RANBP2: variants seen among roughly 807,000 people sequenced by gnomAD.
RANBP2 encodes the protein RAN binding protein 2, also known as E3 SUMO-protein ligase RanBP2.
RANBP2 carries 57 observed loss-of-function variants against 303.6 expected under a neutral mutation model. That is an observed-to-expected ratio of 0.19 (90% confidence interval 0.15 to 0.23). The LOEUF is 0.23. Ranked by LOEUF, RANBP2 falls within the 10% of genes least tolerant of loss-of-function variation. The pLI is 1.00. For missense variants in RANBP2, 3,138 were observed against 3,780.8 expected (o/e 0.83, Z 4.46); for synonymous variants, 1,167 against 1,301.5 (o/e 0.90, Z 2.23).
chr2:108,902,633 T>G, the RANBP2 span, among the ~76,000 whole-genome samples: 2 of 152,126 alleles, frequency 1.3e-5, no homozygotes, highest in African/African-American at 2.4e-5. Context: ...TGCAAAATCC[T>G]TAACAAAATA....
chr2:109,346,213 A>G, the RANBP2 span, among the ~76,000 whole-genome samples: 1 of 152,210 alleles, frequency 6.6e-6, no homozygotes, highest in African/African-American at 2.4e-5. Flanking sequence ...TCTGCAATGA[A>G]AAATCCTCTG....
the RANBP2 span, among the ~76,000 whole-genome samples, chr2:108,937,513 A>G: frequency 6.6e-6 from 1 of 151,954 alleles, no homozygotes; most frequent in Non-Finnish European, 1.5e-5. Flanking sequence ...GAATGTATGC[A>G]TGTGTAAGTG....
the RANBP2 span, among the ~76,000 whole-genome samples, chr2:109,027,484 C>T: frequency 3.9e-5 from 6 of 152,122 alleles, no homozygotes; most frequent in African/African-American, 7.2e-5. Flanking sequence ...CCAAGGAAGC[C>T]TGTGGAGCCT....
the RANBP2 span, among the ~76,000 whole-genome samples, chr2:109,513,462 A>G: frequency 1.3e-5 from 2 of 152,024 alleles, no homozygotes; most frequent in Admixed American, 1.3e-4. Context: ...GTGCACATAT[A>G]GACACTCCAC....
the RANBP2 span, among the ~76,000 whole-genome samples, chr2:109,293,529 C>T: frequency 6.6e-6 from 1 of 152,250 alleles, no homozygotes; most frequent in African/African-American, 2.4e-5. Flanking sequence ...GGCAGTCATC[C>T]TCTGTCCCCT....
the RANBP2 span, among the ~76,000 whole-genome samples, chr2:109,452,432 CAGTG>C: frequency 5.3e-5 from 8 of 152,350 alleles, no homozygotes; most frequent in Non-Finnish European, 1.0e-4. Context: ...TGGGAAAAGA[CAGTG>C]AGCTCCTCAC....
the RANBP2 span, among the ~76,000 whole-genome samples, chr2:109,704,575 C>T: frequency 2.6e-5 from 4 of 151,810 alleles, no homozygotes; most frequent in South Asian, 6.3e-4. Flanking sequence ...GTAAGCCAGG[C>T]GTGGTGGCTC....
At position 108,761,385 on chromosome 2, in the gene RANBP2, T is replaced by C. The variant is rs1676720081; in HGVS notation, c.2603-716T>C. 2.0e-5 allele frequency among the ~76,000 whole-genome samples: 3 copies of C among 152,296 alleles called. No homozygotes were observed. In the South Asian group the frequency reaches 6.2e-4, roughly 32 times the overall value. Reference sequence around the variant, plus strand: ...CACAGTTTCTGTTTCTTTTTCCATGTACAGGCATAAAAGGTCTTTTGGTTG... The same window carrying C: ...CACAGTTTCTGTTTCTTTTTCCATGCACAGGCATAAAAGGTCTTTTGGTTG... On this transcript the variant is annotated intron_variant, in intron 18 of 28. Transcript: ENST00000283195.
chr2:108,847,441 A>G, the RANBP2 span, among the ~76,000 whole-genome samples: 1 of 152,208 alleles, frequency 6.6e-6, no homozygotes, highest in Admixed American at 6.5e-5. Context: ...TTTACAGAAA[A>G]TGTTTTTCAG....
chr2:108,822,431 C>A, the RANBP2 span, among the ~76,000 whole-genome samples: 1 of 152,092 alleles, frequency 6.6e-6, no homozygotes, highest in Non-Finnish European at 1.5e-5. Context: ...AGGGCTTGAA[C>A]AACATAATAA....
the RANBP2 span, among the ~76,000 whole-genome samples, chr2:109,467,396 G>A: frequency 1.3e-5 from 2 of 152,226 alleles, no homozygotes; most frequent in South Asian, 2.1e-4. Context: ...GCCACTGGAG[G>A]GTCCCGTGTC....
chr2:109,306,299 T>TTCCA, the RANBP2 span, among the ~76,000 whole-genome samples: 1 of 152,190 alleles, frequency 6.6e-6, no homozygotes. Flanking sequence ...TGTGTTTGCA[T>TTCCA]TCCACCCTGC....
At chr2:109,128,045 T>C in the RANBP2 span, 2 of 152,224 alleles carry the variant, frequency 1.3e-5, no homozygotes, top group Non-Finnish European at 2.9e-5. Context: ...ACGACTCTTC[T>C]GATGTTAGCC....
the RANBP2 span, among the ~76,000 whole-genome samples, chr2:109,293,296 C>T: frequency 2.0e-5 from 3 of 151,990 alleles, no homozygotes; most frequent in Non-Finnish European, 2.9e-5. Context: ...CACTGCACTG[C>T]GAAGGAGTTT....
the RANBP2 span, among the ~76,000 whole-genome samples, chr2:109,457,873 C>G: frequency 6.6e-6 from 1 of 152,156 alleles, no homozygotes; most frequent in Non-Finnish European, 1.5e-5. Context: ...GCCGTCTGTC[C>G]CTCCCAGAAG....
At chr2:109,247,718 A>G in the RANBP2 span, among the ~76,000 whole-genome samples, 1 of 152,212 alleles carries the variant, frequency 6.6e-6, no homozygotes, top group Non-Finnish European at 1.5e-5. Context: ...TTTTCCCTGT[A>G]TCAGTTAGGA....
chr2:109,064,513 A>C, the RANBP2 span, among the ~76,000 whole-genome samples: 4 of 150,708 alleles, frequency 2.7e-5, no homozygotes, highest in African/African-American at 9.7e-5. Context: ...ATTTGCACCC[A>C]GTTCTCTCAG....
the RANBP2 span, among the ~76,000 whole-genome samples, chr2:109,403,388 C>T: frequency 1.3e-5 from 2 of 152,206 alleles, no homozygotes; most frequent in Non-Finnish European, 2.9e-5. Flanking sequence ...CCACAGTGAG[C>T]CAATTGTTCA....
At chr2:109,312,376 A>T in the RANBP2 span, among the ~76,000 whole-genome samples, 1 of 152,194 alleles carries the variant, frequency 6.6e-6, no homozygotes, top group Non-Finnish European at 1.5e-5. Context: ...TAATACTTAT[A>T]ACATGAAAGT....
Sources: gnomAD v4.1 joint callset for allele counts (sites outside exome capture counted in the v4.1 genomes callset) on GRCh38, gnomAD v4.1.1 for gene constraint, MANE v1.5 for transcripts, NCBI Gene and HGNC (gene_info 2026-07-23, HGNC 2026-07-21) for gene names.